CDH13: variants seen among roughly 807,000 people sequenced by gnomAD.
The protein encoded by CDH13 is cadherin 13.
CDH13 carries 24 observed loss-of-function variants against 63.8 expected under a neutral mutation model. The observed-to-expected ratio is 0.38, with a 90% CI of 0.27 to 0.53. The LOEUF (loss-of-function observed/expected upper bound fraction) is 0.53. Ranked by LOEUF, CDH13 falls within the 20% of genes least tolerant of loss-of-function variation. CDH13 has a pLI of 0.85. For synonymous variants in CDH13, 503 were observed against 355.3 expected (o/e 1.42, Z -4.67); for missense variants, 1,049 against 903.1 (o/e 1.16, Z -2.07).
chr16:82,997,687 T>C (rs1912399742), intron 2 of CDH13, among the ~76,000 whole-genome samples: 1 of 152,156 alleles, frequency 6.6e-6, no homozygotes. Flanking sequence ...TTTTCCACAA[T>C]CACATAGCTA....
At chr16:83,262,676 A>G (rs978934704) in intron 5 of CDH13, among the ~76,000 whole-genome samples, 4 of 152,232 alleles carry the variant, frequency 2.6e-5, no homozygotes, top group Non-Finnish European at 4.4e-5. Context: ...ATATGAAAAA[A>G]TGGTATAACT....
At chr16:83,738,990 T>C (rs1017223094) in intron 10 of CDH13, among the ~76,000 whole-genome samples, 6 of 152,190 alleles carry the variant, frequency 3.9e-5, no homozygotes, top group Non-Finnish European at 8.8e-5. Context: ...ACCATTTCCT[T>C]GTCCTGATCA....
At chr16:83,763,721 A>G (rs375367707) in intron 11 of CDH13, among the ~76,000 whole-genome samples, 1,979 of 152,290 alleles carry the variant, frequency 0.013, 18 homozygotes, top group Non-Finnish European at 0.019. Context: ...GGAAAAATAA[A>G]TTGATGACCC....
At chr16:83,786,181 A>G (rs1915866924) in intron 13 of CDH13, among the ~76,000 whole-genome samples, 1 of 152,204 alleles carries the variant, frequency 6.6e-6, no homozygotes, top group Non-Finnish European at 1.5e-5. Context: ...CCAGACAGGA[A>G]GTTAAACTTG....
At chr16:82,985,229 T>A (rs1333246273) in intron 2 of CDH13, among the ~76,000 whole-genome samples, 1 of 152,176 alleles carries the variant, frequency 6.6e-6, no homozygotes, top group East Asian at 1.9e-4. Context: ...AGTGTCAGTA[T>A]CTCTGAGACC....
At chr16:82,887,514 G>A (rs969965330) in intron 2 of CDH13, among the ~76,000 whole-genome samples, 1 of 152,180 alleles carries the variant, frequency 6.6e-6, no homozygotes, top group Non-Finnish European at 1.5e-5. Context: ...CTGGGTAGGT[G>A]ACATGTGGGG....
intron 7 of CDH13, among the ~76,000 whole-genome samples, chr16:83,527,266 G>A (rs1481693717): frequency 2.6e-5 from 4 of 152,144 alleles, no homozygotes; most frequent in East Asian, 3.9e-4. Flanking sequence ...TAGCCAACAC[G>A]GTGAAACCCC....
chr16:83,727,520 A>G (rs1420828088), intron 10 of CDH13, among the ~76,000 whole-genome samples: 1 of 151,724 alleles, frequency 6.6e-6, no homozygotes, highest in Admixed American at 6.6e-5. Context: ...TGTTCCAGAG[A>G]TCACCACTGC....
intron 6 of CDH13, among the ~76,000 whole-genome samples, chr16:83,361,888 A>C (rs545578115): frequency 2.0e-5 from 3 of 152,276 alleles, no homozygotes; most frequent in East Asian, 3.9e-4. Context: ...CATTTTGCTT[A>C]GGATTGCTTT....
At chr16:83,446,919 T>C (rs2072705730) in intron 6 of CDH13, among the ~76,000 whole-genome samples, 1 of 151,804 alleles carries the variant, frequency 6.6e-6, no homozygotes, top group Non-Finnish European at 1.5e-5. Context: ...ATCTCAAGTG[T>C]TAAGCTGAAC....
intron 1 of CDH13, chr16:82,825,006 A>T (rs770634650): frequency 2.0e-5 from 3 of 152,202 alleles, no homozygotes; most frequent in Non-Finnish European, 4.4e-5. Flanking sequence ...TTTCTTTAAG[A>T]CAATCTGTGG....
chr16:83,236,301 T>C (rs1244935263), intron 5 of CDH13, among the ~76,000 whole-genome samples: 1 of 150,654 alleles, frequency 6.6e-6, no homozygotes, highest in Non-Finnish European at 1.5e-5. Context: ...TAAGATACTC[T>C]GCAAACTACA....
At chr16:83,496,179 C>G in intron 7 of CDH13, among the ~76,000 whole-genome samples, 1 of 151,904 alleles carries the variant, frequency 6.6e-6, no homozygotes, top group Non-Finnish European at 1.5e-5. Flanking sequence ...AGTATGGAAC[C>G]AAAAAAGAGC....
At chr16:82,909,019 C>T (rs959866438) in intron 2 of CDH13, among the ~76,000 whole-genome samples, 1 of 152,094 alleles carries the variant, frequency 6.6e-6, no homozygotes, top group Non-Finnish European at 1.5e-5. Flanking sequence ...TGTGGGGGTC[C>T]TGAAACCAAT....
chr16:82,955,055 T>C (rs1469901753), intron 2 of CDH13, among the ~76,000 whole-genome samples: 1 of 152,222 alleles, frequency 6.6e-6, no homozygotes, highest in Non-Finnish European at 1.5e-5. Flanking sequence ...TTTAGTTGTT[T>C]CCACTTTGGG....
intron 3 of CDH13, among the ~76,000 whole-genome samples, chr16:83,113,625 A>G (rs1316727613): frequency 1.3e-5 from 2 of 152,138 alleles, no homozygotes; most frequent in Admixed American, 1.3e-4. Flanking sequence ...ACAGGGCTCT[A>G]GGGGAAAAAG....
chr16:82,658,630 A>T (rs12597057), intron 1 of CDH13, among the ~76,000 whole-genome samples: 1 of 152,086 alleles, frequency 6.6e-6, no homozygotes, highest in African/African-American at 2.4e-5. Context: ...AATTATGTCA[A>T]ATAGTACTGA....
chr16:83,005,078 G>A lies in CDH13; in HGVS notation c.158-26932G>A, dbSNP rs150173946. The stretch of plus-strand genomic sequence containing the variant: ...GAGCTGAGTCACATGGCTATGGCCC[G>A]CTGCAATGGAGGCTGGGAAGTGTAG... On this transcript the variant is annotated intron_variant, in intron 2 of 13. Transcript: ENST00000567109. 4.7e-3 allele frequency among the ~76,000 whole-genome samples: 716 copies of A among 152,216 alleles called. 6 individuals are homozygous for A. Among genetic ancestry groups the A allele is most frequent in the African/African-American group, 0.015 (642 of 41,536 alleles).
At chr16:83,675,471 G>A (rs550141063) in intron 9 of CDH13, among the ~76,000 whole-genome samples, 3 of 152,322 alleles carry the variant, frequency 2.0e-5, no homozygotes, top group Non-Finnish European at 4.4e-5. Context: ...CGTTCAGGGA[G>A]TGTCAGCCTG....
Sources: gnomAD v4.1 joint callset for allele counts (sites outside exome capture counted in the v4.1 genomes callset) on GRCh38, gnomAD v4.1.1 for gene constraint, MANE v1.5 for transcripts, NCBI Gene and HGNC (gene_info 2026-07-23, HGNC 2026-07-21) for gene names.